Variants in GK observed in about 807,000 individuals in gnomAD.
GK encodes the protein ATP:glycerol 3-phosphotransferase.
A neutral mutation model predicts 56.4 loss-of-function variants in GK; 9 were observed. That is an observed-to-expected ratio of 0.16 (90% CI 0.10 to 0.28). GK has a LOEUF of 0.28. GK is among the 10% of genes least tolerant of loss of function. GK has a pLI of 1.00. For synonymous variants in GK, 104 were observed against 144.1 expected, an observed-to-expected ratio of 0.72 and a Z score of 1.99; for missense variants, 161 against 431.4, an observed-to-expected ratio of 0.37 and a Z score of 5.55.
chrX:30,693,011 CTTTTTTTTTTTTT>C (rs1184645786), intron 5 of GK, among the ~76,000 whole-genome samples: 6 of 56,619 alleles, frequency 1.1e-4, no homozygotes, highest in African/African-American at 1.4e-4. Context: ...TTTTTCTTTT[CTTTTTTTTTTTTT>C]TTTTTTTTTT....
chrX:30,663,967 A>G (rs1487127973), intron 1 of GK, among the ~76,000 whole-genome samples: 1 of 93,410 alleles, frequency 1.1e-5, no homozygotes, highest in Non-Finnish European at 2.1e-5. Context: ...TATATTATAT[A>G]TATATTTTAT....
chrX:30,671,410 G>A (rs754699427), intron 3 of GK, among the ~76,000 whole-genome samples: 2 of 111,098 alleles, frequency 1.8e-5, no homozygotes, highest in East Asian at 5.6e-4. Context: ...GCTTTTTAGT[G>A]GTAGATTAAC....
At chrX:30,662,959 T>C (rs1409671859) in intron 1 of GK, among the ~76,000 whole-genome samples, 1 of 108,231 alleles carries the variant, frequency 9.2e-6, no homozygotes, top group Non-Finnish European at 1.9e-5. Context: ...CTCAGCTCAC[T>C]GCAACCTCCA....
Position 30,729,009 on chromosome X carries a change from T to G in GK, c.*267T>G. On this transcript the variant is annotated 3_prime_UTR_variant, in exon 21 of 21. Coordinates refer to ENST00000427190, the MANE Select transcript of GK (RefSeq NM_001205019.2). Reference sequence around the variant, plus strand: ...CTACCTTTGGGGCTGACCCCCTCCATTGCCATAACATCCTGCTCCATTCCC... The same window carrying G: ...CTACCTTTGGGGCTGACCCCCTCCAGTGCCATAACATCCTGCTCCATTCCC... The G allele has an allele frequency of 2.6e-6, 1 of 378,334 alleles. No homozygotes were observed. Among genetic ancestry groups the G allele is most frequent in the Non-Finnish European group, 4.6e-6 (1 of 215,409 alleles). The allele number at this position is 378,334 out of a possible 1,213,427, so 31.2% of individuals were successfully genotyped here.
At position 30,653,455 on chromosome X, in the gene GK, G is replaced by A. The variant is rs1601856325; in HGVS notation, c.-83G>A. On this transcript the variant is annotated 5_prime_UTR_variant, in exon 1 of 21. Coordinates refer to ENST00000427190, the MANE Select transcript of GK (RefSeq NM_001205019.2). The stretch of plus-strand genomic sequence containing the variant: ...GCGGACGCGCGCGGCCTCGATCTCT[G>A]GACTCGTCACCTGCCCCTCCCCCTC... The A allele has an allele frequency of 1.5e-5, 13 of 863,288 alleles. No homozygotes were observed. The South Asian group carries it at 1.8e-4, about 12-fold the overall frequency. The allele number at this position is 863,288 out of a possible 1,213,427, so 71.1% of individuals were successfully genotyped here. A position where few individuals can be genotyped will look rare whatever the true frequency, so the allele number is the denominator to read the frequency against.
In GK at chrX:30,719,552, T is replaced by C. The variant is rs139339023; in HGVS notation, c.1151+37T>C. On this transcript the variant is annotated intron_variant, in intron 15 of 20. Coordinates refer to ENST00000427190, the MANE Select transcript of GK (RefSeq NM_001205019.2). The stretch of plus-strand genomic sequence containing the variant: ...AAATATGGAGTGCTTTTGGGGATCT[T>C]GATTTATTTACCAAAGTCGTTAATA... The C allele has an allele frequency of 1.3e-4, 102 of 782,902 alleles. 2 individuals carry two copies. In the East Asian group the frequency reaches 3.2e-3, roughly 25 times the overall value. The allele number at this position is 782,902 out of a possible 1,213,427, so 64.5% of individuals were successfully genotyped here. A position where few individuals can be genotyped will look rare whatever the true frequency, so the allele number is the denominator to read the frequency against.
At chrX:30,712,666 G>A (rs1046017601) in intron 13 of GK, among the ~76,000 whole-genome samples, 4 of 106,270 alleles carry the variant, frequency 3.8e-5, no homozygotes, top group Non-Finnish European at 5.8e-5. Flanking sequence ...GTGTTAGGCC[G>A]GAATGAACTC....
At chrX:30,718,184 A>G (rs1936723311) in intron 13 of GK, among the ~76,000 whole-genome samples, 1 of 111,879 alleles carries the variant, frequency 8.9e-6, no homozygotes, top group South Asian at 3.7e-4. Context: ...CTCTCCCAAT[A>G]ATTTTATGAA....
intron 9 of GK, among the ~76,000 whole-genome samples, chrX:30,699,296 T>A: frequency 2.2e-5 from 2 of 90,957 alleles, no homozygotes; most frequent in Non-Finnish European, 4.3e-5. Flanking sequence ...ATGTTATACA[T>A]AACATGTATA....
At chrX:30,706,752 C>T in intron 11 of GK, among the ~76,000 whole-genome samples, 1 of 111,818 alleles carries the variant, frequency 8.9e-6, no homozygotes, top group East Asian at 2.8e-4. Flanking sequence ...CCTTAAATTG[C>T]CTTCCGTTCC....
chrX:30,675,055 G>C (rs1933782056), intron 3 of GK, among the ~76,000 whole-genome samples: 2 of 111,510 alleles, frequency 1.8e-5, no homozygotes, highest in South Asian at 7.5e-4. Context: ...GGATTGTTTA[G>C]GCTACACAGC....
intron 7 of GK, 49 bp from the exon 8 acceptor site, chrX:30,696,568 A>C: frequency 2.3e-6 from 2 of 855,657 alleles, no homozygotes; most frequent in Non-Finnish European, 3.5e-6. Context: ...AAATGTTTCT[A>C]GATGTCTATT....
rs747393509 is a variant in GK, at chrX:30,720,940, C to A, written c.1446C>A (p.Pro482=). Residue 482 remains proline, a synonymous_variant, in exon 18 of 21, where the codon CCC becomes CCA. Coordinates refer to ENST00000427190, the MANE Select transcript of GK (RefSeq NM_001205019.2). ...GAGTCGGCGTATGGAGTCTCGAACC[C>A]GAGGATTTGTCTGCCGTCACGATGG... The part of the protein sequence containing the change: ...AEGVGVWSLE[P]EDLSAVTMER... The A allele has an allele frequency of 8.3e-7, 1 of 1,209,021 alleles. No individual in the cohort carries two copies. The highest frequency in any genetic ancestry group is 1.7e-5 in the African/African-American group (1 of 57,219).
intron 14 of GK, 61 bp downstream of exon 14, chrX:30,718,677 C>A (rs1936747298): frequency 2.9e-6 from 2 of 680,398 alleles, no homozygotes; most frequent in Non-Finnish European, 4.8e-6. Flanking sequence ...AGTATTTTAT[C>A]TCTGCAAAGT....
At chrX:30,718,721 A>AT in intron 14 of GK, 105 bp downstream of exon 14, 2 of 525,112 alleles carry the variant, frequency 3.8e-6, no homozygotes, top group Non-Finnish European at 6.9e-6. Context: ...TGTGATCCAT[A>AT]AATTATATGG....
intron 19 of GK, among the ~76,000 whole-genome samples, chrX:30,726,184 A>G (rs1430968266): frequency 8.9e-6 from 1 of 112,328 alleles, no homozygotes; most frequent in Non-Finnish European, 1.9e-5. Flanking sequence ...AATTTCTGCT[A>G]TCAGCATTAA....
chrX:30,704,224 TG>T (rs763671526), intron 11 of GK, among the ~76,000 whole-genome samples: 6 of 102,964 alleles, frequency 5.8e-5, no homozygotes, highest in African/African-American at 1.9e-4. Flanking sequence ...CTTGACCTCC[TG>T]GGCTCAAGTG....
intron 2 of GK, among the ~76,000 whole-genome samples, chrX:30,666,325 C>T (rs774270164): frequency 5.6e-4 from 63 of 111,938 alleles, no homozygotes; most frequent in African/African-American, 2.0e-3. Context: ...TGCACCAACA[C>T]AAGGGAATGT....
At chrX:30,722,342 T>G (rs1936949328) in intron 18 of GK, among the ~76,000 whole-genome samples, 1 of 112,452 alleles carries the variant, frequency 8.9e-6, no homozygotes, top group East Asian at 2.7e-4. Context: ...TCAAAAAATT[T>G]TTCTACTTTT....
Sources: allele counts gnomAD v4.1 joint callset (sites outside exome capture counted in the v4.1 genomes callset), GRCh38; gene constraint gnomAD v4.1.1; transcripts MANE v1.5; gene names NCBI Gene and HGNC (gene_info 2026-07-23, HGNC 2026-07-21).